CTNND2: variants seen among roughly 807,000 people sequenced by gnomAD.
CTNND2 encodes catenin delta 2.
A neutral mutation model predicts 144.4 loss-of-function variants in CTNND2; 22 were observed. The ratio of observed to expected loss-of-function variants is 0.15; its 90% confidence interval spans 0.11 to 0.22. The LOEUF (loss-of-function observed/expected upper bound fraction) is 0.22, where lower values mean the gene tolerates loss of function less well. Among genes scored for constraint, CTNND2 ranks in the 10% least tolerant of loss-of-function variants. The probability of loss-of-function intolerance (pLI) is 1.00; values close to 1 mark genes in which losing one functional copy is unlikely to be tolerated. For synonymous variants in CTNND2, 751 were observed against 695.6 expected, an observed-to-expected ratio of 1.08 and a Z score of -1.25; for missense variants, 1,353 against 1,618.8, an observed-to-expected ratio of 0.84 and a Z score of 2.82.
At chr5:11,598,017 A>G (rs1448690253) in intron 2 of CTNND2, among the ~76,000 whole-genome samples, 1 of 152,186 alleles carries the variant, frequency 6.6e-6, no homozygotes, top group Admixed American at 6.6e-5. Flanking sequence ...AAATAGCTGT[A>G]TTTTTGTTGT....
At chr5:11,567,180 T>C (rs909461169) in intron 2 of CTNND2, among the ~76,000 whole-genome samples, 3 of 152,102 alleles carry the variant, frequency 2.0e-5, no homozygotes, top group Admixed American at 2.0e-4. Flanking sequence ...TTAATTGAGA[T>C]GGAGTCTCGC....
intron 1 of CTNND2, among the ~76,000 whole-genome samples, chr5:11,885,823 G>A (rs1469038362): frequency 6.6e-6 from 1 of 151,934 alleles, no homozygotes; most frequent in Non-Finnish European, 1.5e-5. Flanking sequence ...ATCATATCAA[G>A]TACATTTTCT....
intron 3 of CTNND2, among the ~76,000 whole-genome samples, chr5:11,518,615 C>T (rs1309420263): frequency 6.6e-6 from 1 of 152,184 alleles, no homozygotes; most frequent in Non-Finnish European, 1.5e-5. Flanking sequence ...GTGTCTTATA[C>T]AGGTGTATCT....
At chr5:11,462,489 T>C (rs1031367727) in intron 3 of CTNND2, among the ~76,000 whole-genome samples, 1 of 152,064 alleles carries the variant, frequency 6.6e-6, no homozygotes, top group Non-Finnish European at 1.5e-5. Context: ...GATAGTGTCA[T>C]TAGTGGCCTC....
chr5:11,055,325 C>T (rs1411041773), intron 16 of CTNND2, among the ~76,000 whole-genome samples: 2 of 152,178 alleles, frequency 1.3e-5, no homozygotes, highest in Non-Finnish European at 2.9e-5. Flanking sequence ...AATGCAGCTG[C>T]CATAAGTCCC....
chr5:11,574,730 A>G (rs1777842178), intron 2 of CTNND2, among the ~76,000 whole-genome samples: 1 of 152,172 alleles, frequency 6.6e-6, no homozygotes, highest in Non-Finnish European at 1.5e-5. Context: ...ACTCAGATAT[A>G]CCAAACAAGG....
chr5:11,060,965 T>C (rs1746901473), intron 16 of CTNND2, among the ~76,000 whole-genome samples: 1 of 152,110 alleles, frequency 6.6e-6, no homozygotes, highest in Non-Finnish European at 1.5e-5. Flanking sequence ...AACTATCTTT[T>C]TTTTTCTTTT....
At position 11,712,297 on chromosome 5, in the gene CTNND2, AT is replaced by A. The variant is rs61460124; in HGVS notation, c.174+19838del. 2.1e-4 allele frequency among the ~76,000 whole-genome samples: 32 copies of A among 150,956 alleles called. No individual in the cohort carries two copies. In the South Asian group the frequency reaches 4.0e-3, roughly 19 times the overall value. On this transcript the variant is annotated intron_variant, in intron 2 of 21. Coordinates refer to ENST00000304623, the MANE Select transcript of CTNND2 (RefSeq NM_001332.4). ...TAACACAGATAAATGCTTTCATTGCATTTTTTTTTAATGGCAAAGTGGTAGC... is the reference window on the plus strand; with the variant it reads ...TAACACAGATAAATGCTTTCATTGCATTTTTTTTAATGGCAAAGTGGTAGC...
intron 2 of CTNND2, among the ~76,000 whole-genome samples, chr5:11,723,552 CT>C (rs1211761538): frequency 1.3e-5 from 2 of 152,138 alleles, no homozygotes; most frequent in Non-Finnish European, 2.9e-5. Context: ...TGACTAAGGA[CT>C]TTTACCACAA....
At chr5:11,646,728 T>C (rs998676065) in intron 2 of CTNND2, among the ~76,000 whole-genome samples, 2 of 152,230 alleles carry the variant, frequency 1.3e-5, no homozygotes, top group African/African-American at 2.4e-5. Flanking sequence ...TTTTCTTCCC[T>C]TCCTCTCTAA....
intron 3 of CTNND2, among the ~76,000 whole-genome samples, chr5:11,481,834 A>C (rs938426124): frequency 1.3e-5 from 2 of 152,316 alleles, no homozygotes; most frequent in South Asian, 4.1e-4. Context: ...AAGAGTTAGA[A>C]AGCCAGTGGC....
chr5:11,663,315 G>T (rs985408549), intron 2 of CTNND2, among the ~76,000 whole-genome samples: 2 of 152,122 alleles, frequency 1.3e-5, no homozygotes, highest in African/African-American at 4.8e-5. Flanking sequence ...CCATTAAAGA[G>T]AAGATATTCA....
intron 3 of CTNND2, 38 bp downstream of exon 3, chr5:11,564,906 A>G: frequency 7.1e-7 from 1 of 1,409,834 alleles, no homozygotes; most frequent in South Asian, 1.2e-5. Context: ...TGCAGGGGCA[A>G]CTCAAAGCAC....
intron 18 of CTNND2, among the ~76,000 whole-genome samples, chr5:11,012,859 C>G (rs553299539): frequency 9.9e-4 from 151 of 152,250 alleles, no homozygotes; most frequent in African/African-American, 3.6e-3. Context: ...TGGAGGAATA[C>G]GTTCATTTTG....
chr5:11,693,834 T>A (rs546437828), intron 2 of CTNND2, among the ~76,000 whole-genome samples: 1 of 152,360 alleles, frequency 6.6e-6, no homozygotes, highest in Admixed American at 6.5e-5. Flanking sequence ...TACTGAGCTA[T>A]CGCTCCTAGG....
chr5:11,164,157 A>G (rs1759070700), intron 11 of CTNND2, among the ~76,000 whole-genome samples: 1 of 152,016 alleles, frequency 6.6e-6, no homozygotes, highest in Admixed American at 6.6e-5. Flanking sequence ...CCTCCCTCTC[A>G]TAAGGGCACT....
intron 1 of CTNND2, among the ~76,000 whole-genome samples, chr5:11,897,211 G>T (rs1204464092): frequency 6.6e-6 from 1 of 152,154 alleles, no homozygotes; most frequent in African/African-American, 2.4e-5. Context: ...GCTCTTTCTG[G>T]AAATTACATT....
At chr5:11,166,612 G>C (rs924949074) in intron 11 of CTNND2, among the ~76,000 whole-genome samples, 5 of 151,998 alleles carry the variant, frequency 3.3e-5, no homozygotes, top group Admixed American at 1.3e-4. Context: ...GGGAGGGGGA[G>C]GGGTATAAAG....
chr5:11,643,218 TTTTA>T (rs1339073838), intron 2 of CTNND2, among the ~76,000 whole-genome samples: 2 of 150,446 alleles, frequency 1.3e-5, no homozygotes, highest in African/African-American at 2.5e-5. Context: ...ATATTTTATT[TTTTA>T]TTTTTGTTTT....
Sources: allele counts gnomAD v4.1 joint callset (sites outside exome capture counted in the v4.1 genomes callset), GRCh38; gene constraint gnomAD v4.1.1; transcripts MANE v1.5; gene names NCBI Gene and HGNC (gene_info 2026-07-23, HGNC 2026-07-21).